The following SGCD variants were observed in gnomAD, a reference collection of about 807,000 sequenced individuals.
SGCD encodes delta-sarcoglycan.
Under a neutral mutation model 36.6 loss-of-function variants are expected in SGCD, and 18 were observed. The ratio of observed to expected loss-of-function variants is 0.49; its 90% CI spans 0.34 to 0.73. SGCD has a LOEUF of 0.73. Among genes scored for constraint, SGCD ranks in the 30% least tolerant of loss-of-function variants. The pLI is 0.01. For missense variants in SGCD, 387 were observed against 346.7 expected, an observed-to-expected ratio of 1.12 and a Z score of -0.92; for synonymous variants, 133 against 130.6, an observed-to-expected ratio of 1.02 and a Z score of -0.12.
At chr5:156,582,369 G>C (rs182261054) in intron 4 of SGCD, among the ~76,000 whole-genome samples, 9 of 152,092 alleles carry the variant, frequency 5.9e-5, no homozygotes, top group Admixed American at 3.9e-4. Context: ...CTCTTTTATA[G>C]TTCCCAGTAC....
rs1455021200 is a variant in SGCD, at chr5:156,049,577, A to G, written c.-281-68301A>G. On this transcript the variant is annotated intron_variant, in intron 1 of 9. Coordinates refer to the SGCD transcript ENST00000517913. ...AACCAGTACCAGCCACTGCAAAAAC[A>G]TGCCAAATTGTAAGAGCATCAAAGC... Among the ~76,000 whole-genome samples the G allele has an allele frequency of 2.0e-5, 3 of 146,546 alleles. 1 individual carries two copies. The highest frequency in any genetic ancestry group is 7.4e-5 in the African/African-American group (3 of 40,720).
At chr5:156,220,070 A>C (rs1416651657) in intron 3 of SGCD, among the ~76,000 whole-genome samples, 8 of 152,182 alleles carry the variant, frequency 5.3e-5, no homozygotes, top group Non-Finnish European at 1.0e-4. Context: ...ATCTACACGT[A>C]GCTACTTTTA....
intron 6 of SGCD, among the ~76,000 whole-genome samples, chr5:156,607,094 T>C (rs1301804537): frequency 6.6e-6 from 1 of 151,924 alleles, no homozygotes; most frequent in Non-Finnish European, 1.5e-5. Context: ...TGAATAGGAG[T>C]GGTGAGAGAG....
chr5:156,025,947 G>A (rs1369275211), intron 1 of SGCD, among the ~76,000 whole-genome samples: 1 of 152,230 alleles, frequency 6.6e-6, no homozygotes, highest in Non-Finnish European at 1.5e-5. Flanking sequence ...TCACTTATGT[G>A]AAATAACAGC....
intron 3 of SGCD, among the ~76,000 whole-genome samples, chr5:156,221,136 C>A (rs147318206): frequency 3.9e-5 from 6 of 151,986 alleles, no homozygotes; most frequent in African/African-American, 1.2e-4. Context: ...ATTGCTATAA[C>A]GGAATAGTAC....
the SGCD span, among the ~76,000 whole-genome samples, chr5:155,729,535 C>T: frequency 6.6e-6 from 1 of 152,210 alleles, no homozygotes; most frequent in Non-Finnish European, 1.5e-5. Context: ...GATCCAGCCT[C>T]CGGAATGCCC....
At chr5:155,947,118 A>G (rs947598735) in intron 1 of SGCD, among the ~76,000 whole-genome samples, 1 of 152,174 alleles carries the variant, frequency 6.6e-6, no homozygotes, top group Admixed American at 6.5e-5. Flanking sequence ...ATGGACATTC[A>G]AGGAAAGATA....
intron 3 of SGCD, among the ~76,000 whole-genome samples, chr5:156,134,109 T>A (rs1762396144): frequency 6.6e-6 from 1 of 152,160 alleles, no homozygotes. Flanking sequence ...GACCTTTTTT[T>A]CCCCCTTCAA....
intron 7 of SGCD, among the ~76,000 whole-genome samples, chr5:156,721,109 C>T (rs909632034): frequency 6.6e-6 from 1 of 152,142 alleles, no homozygotes; most frequent in Non-Finnish European, 1.5e-5. Flanking sequence ...ACGGGGAAGG[C>T]TCTGGTGGGG....
At chr5:156,590,099 T>C (rs1760665279) in intron 5 of SGCD, among the ~76,000 whole-genome samples, 1 of 152,182 alleles carries the variant, frequency 6.6e-6, no homozygotes, top group African/African-American at 2.4e-5. Flanking sequence ...TTGTTATACT[T>C]ACAGACAGAA....
intron 1 of SGCD, among the ~76,000 whole-genome samples, chr5:156,097,190 A>G (rs952662908): frequency 1.3e-5 from 2 of 151,390 alleles, no homozygotes; most frequent in African/African-American, 2.4e-5. Flanking sequence ...GGTTTTCTCT[A>G]GGTTTACCCT....
chr5:156,377,362 A>T (rs1374267367), intron 3 of SGCD, among the ~76,000 whole-genome samples: 1 of 152,188 alleles, frequency 6.6e-6, no homozygotes. Flanking sequence ...ATTTATGTTG[A>T]TTCTCACTGC....
At chr5:156,685,881 A>C (rs1050779297) in intron 7 of SGCD, among the ~76,000 whole-genome samples, 1 of 152,156 alleles carries the variant, frequency 6.6e-6, no homozygotes, top group Non-Finnish European at 1.5e-5. Flanking sequence ...ACACATAGAC[A>C]CAAAGAAGGG....
chr5:155,895,708 G>T (rs1756236896), intron 1 of SGCD, among the ~76,000 whole-genome samples: 1 of 150,022 alleles, frequency 6.7e-6, no homozygotes, highest in African/African-American at 2.5e-5. Flanking sequence ...AAAACATGAA[G>T]AACACATTTA....
the SGCD span, among the ~76,000 whole-genome samples, chr5:155,832,143 A>C: frequency 6.6e-6 from 1 of 152,198 alleles, no homozygotes; most frequent in East Asian, 1.9e-4. Flanking sequence ...GTTTCATCTC[A>C]AAAAAGTTGA....
chr5:156,475,937 G>A (rs1271227960), intron 3 of SGCD, among the ~76,000 whole-genome samples: 2 of 152,178 alleles, frequency 1.3e-5, no homozygotes, highest in East Asian at 1.9e-4. Flanking sequence ...AGGGTGCATT[G>A]GAGCTTGAAG....
At chr5:156,222,658 C>T (rs1403168434) in intron 3 of SGCD, among the ~76,000 whole-genome samples, 1 of 152,028 alleles carries the variant, frequency 6.6e-6, no homozygotes, top group East Asian at 1.9e-4. Context: ...CAAATTTTTA[C>T]AAAACCTACA....
At chr5:156,234,499 A>T (rs1466152584) in intron 3 of SGCD, among the ~76,000 whole-genome samples, 1 of 152,220 alleles carries the variant, frequency 6.6e-6, no homozygotes, top group Non-Finnish European at 1.5e-5. Flanking sequence ...TGTGCCACAC[A>T]GTTTAAAAAA....
intron 2 of SGCD, among the ~76,000 whole-genome samples, chr5:156,118,844 C>A (rs933006300): frequency 9.2e-5 from 14 of 152,110 alleles, no homozygotes; most frequent in African/African-American, 3.1e-4. Context: ...TATTCATCAG[C>A]GGTTTGTTTG....
Sources: gnomAD v4.1 joint callset for allele counts (sites outside exome capture counted in the v4.1 genomes callset) on GRCh38, gnomAD v4.1.1 for gene constraint, MANE v1.5 for transcripts, NCBI Gene and HGNC (gene_info 2026-07-23, HGNC 2026-07-21) for gene names.